NUDT9: variants seen among roughly 807,000 people sequenced by gnomAD.
The protein encoded by NUDT9 is ADP-ribose pyrophosphatase.
In NUDT9, 31 loss-of-function variants were observed where a neutral mutation model predicts 41.0. That is an observed-to-expected ratio of 0.76 (90% CI 0.57 to 1.02). The LOEUF is 1.02. NUDT9 is among the 50% of genes least tolerant of loss of function. NUDT9 has a pLI of 0.00. For synonymous variants in NUDT9, 146 were observed against 147.6 expected, an observed-to-expected ratio of 0.99 and a Z score of 0.08; for missense variants, 380 against 431.4, an observed-to-expected ratio of 0.88 and a Z score of 1.06.
intron 2 of NUDT9, among the ~76,000 whole-genome samples, chr4:87,436,902 T>C (rs1358525381): frequency 6.6e-6 from 1 of 152,188 alleles, no homozygotes; most frequent in Non-Finnish European, 1.5e-5. Flanking sequence ...AGTGCAATTA[T>C]GGCAGGGATT....
At chr4:87,424,251 TG>T (rs1198817278) in intron 1 of NUDT9, among the ~76,000 whole-genome samples, 1 of 128,606 alleles carries the variant, frequency 7.8e-6, no homozygotes. Context: ...TTCTCCCTAA[TG>T]CGTTTTTTTT....
At chr4:87,438,149 A>AC (rs1722039258) in intron 2 of NUDT9, 128 bp from the exon 3 acceptor site, 6 of 488,710 alleles carry the variant, frequency 1.2e-5, no homozygotes, top group Middle Eastern at 1.1e-3. Context: ...AAAAAAAAAA[A>AC]AAAACTAACC....
intron 1 of NUDT9, among the ~76,000 whole-genome samples, chr4:87,423,405 C>T (rs531549332): frequency 1.3e-5 from 2 of 152,176 alleles, no homozygotes; most frequent in South Asian, 2.1e-4. Context: ...TCACTATTCC[C>T]CCTGTCCCCT....
chr4:87,434,030 G>A (rs4693163), intron 1 of NUDT9, among the ~76,000 whole-genome samples: 29,758 of 151,898 alleles, frequency 0.2, 3,429 homozygotes, highest in South Asian at 0.35. Context: ...ATTCCTTTAC[G>A]TAGACTTTAA....
chr4:87,423,455 CT>C (rs569578177), intron 1 of NUDT9, among the ~76,000 whole-genome samples: 1 of 151,860 alleles, frequency 6.6e-6, no homozygotes, highest in African/African-American at 2.4e-5. Context: ...TATCTACCTC[CT>C]TTTTTTTAAT....
chr4:87,434,877 A>C (rs1042162716), intron 1 of NUDT9, 104 bp from the exon 2 acceptor site: 4 of 1,008,982 alleles, frequency 4.0e-6, no homozygotes, highest in Non-Finnish European at 5.7e-6. Context: ...CCTCGGCCTC[A>C]CAAAGTGCTG....
At chr4:87,447,468 C>T (rs922904814) in intron 4 of NUDT9, among the ~76,000 whole-genome samples, 5 of 149,070 alleles carry the variant, frequency 3.4e-5, no homozygotes, top group African/African-American at 1.2e-4. Flanking sequence ...TTTGGTTTAG[C>T]ATTGGAAGTT....
In NUDT9 at chr4:87,456,824, G is replaced by A. The variant is rs147858871; in HGVS notation, c.875-1019G>A. Among the ~76,000 whole-genome samples, 617 of 152,192 alleles carry A rather than the reference G, an allele frequency of 4.1e-3. 4 individuals carry two copies. Among genetic ancestry groups the A allele is most frequent in the African/African-American group, 0.014 (589 of 41,534 alleles). On this transcript the variant is annotated intron_variant, in intron 7 of 7. Coordinates refer to ENST00000302174, the MANE Select transcript of NUDT9 (RefSeq NM_024047.5). ...CAGATGCCTGTAATCCCAGGTACTC[G>A]GGGGGCTGAGGCAGGAGAATCGCTT...
chr4:87,422,581 G>A lies in NUDT9; in HGVS notation c.-325G>A, dbSNP rs1029691505. ...CGCACGACCTTTGCTTTGCGGCGCG[G>A]CCGTAAAGCGCCATTACGCAGAGAG... is the stretch of plus-strand genomic sequence containing the variant. On this transcript the variant is annotated 5_prime_UTR_variant, in exon 1 of 8. Coordinates refer to ENST00000302174, the MANE Select transcript of NUDT9 (RefSeq NM_024047.5). 4.4e-6 allele frequency: 1 copy of A among 225,162 alleles called. No homozygotes were observed. Among genetic ancestry groups the A allele is most frequent in the Middle Eastern group, 1.4e-3 (1 of 696 alleles). The allele number at this position is 225,162 out of a possible 1,614,324, so 13.9% of individuals were successfully genotyped here. A position where few individuals can be genotyped will look rare whatever the true frequency, so the allele number is the denominator to read the frequency against.
intron 1 of NUDT9, among the ~76,000 whole-genome samples, chr4:87,426,648 G>A (rs940533395): frequency 6.6e-6 from 1 of 151,582 alleles, no homozygotes. Flanking sequence ...CTGACCTTGC[G>A]ATCGCCTGCC....
intron 4 of NUDT9, among the ~76,000 whole-genome samples, chr4:87,446,637 A>C (rs1437582457): frequency 6.6e-6 from 1 of 152,186 alleles, no homozygotes; most frequent in Admixed American, 6.5e-5. Flanking sequence ...TCCAGGTTCA[A>C]AGTTGTGTTT....
At chr4:87,424,322 C>T (rs556463801) in intron 1 of NUDT9, among the ~76,000 whole-genome samples, 68 of 144,904 alleles carry the variant, frequency 4.7e-4, no homozygotes, top group African/African-American at 1.8e-3. Context: ...CGCAGTGGCG[C>T]GATCTCGGCT....
chr4:87,453,521 ACG>A (rs1722847615), intron 6 of NUDT9, among the ~76,000 whole-genome samples: 1 of 150,128 alleles, frequency 6.7e-6, no homozygotes, highest in Non-Finnish European at 1.5e-5. Flanking sequence ...CCTCTGCCTC[ACG>A]GGTTCATGCG....
At chr4:87,439,482 C>G (rs760149043) in intron 3 of NUDT9, among the ~76,000 whole-genome samples, 5 of 151,998 alleles carry the variant, frequency 3.3e-5, no homozygotes, top group Non-Finnish European at 7.4e-5. Flanking sequence ...ATGGCAGAAC[C>G]CTGTCTCTAC....
chr4:87,450,339 G>A (rs13130945), intron 5 of NUDT9, among the ~76,000 whole-genome samples: 32,322 of 150,512 alleles, frequency 0.21, 4,249 homozygotes, highest in Admixed American at 0.3. Context: ...GATCTCAGCC[G>A]ACTCTGATAA....
At chr4:87,448,246 G>C (rs1722553126) in intron 4 of NUDT9, among the ~76,000 whole-genome samples, 1 of 146,444 alleles carries the variant, frequency 6.8e-6, no homozygotes, top group African/African-American at 2.5e-5. Flanking sequence ...CTGGGTTCAA[G>C]TGATTCTCCT....
chr4:87,444,945 A>C (rs1164478403), intron 4 of NUDT9, among the ~76,000 whole-genome samples: 2 of 152,220 alleles, frequency 1.3e-5, no homozygotes, highest in Non-Finnish European at 2.9e-5. Flanking sequence ...GTAATGCATT[A>C]ATTAATAAAT....
chr4:87,434,516 ATC>A (rs1216071146), intron 1 of NUDT9: 1 of 151,912 alleles, frequency 6.6e-6, no homozygotes, highest in African/African-American at 2.4e-5. Flanking sequence ...TTTGAAAATA[ATC>A]TCTCATAGAT....
chr4:87,453,630 A>G (rs929239991), intron 6 of NUDT9, among the ~76,000 whole-genome samples: 1 of 152,038 alleles, frequency 6.6e-6, no homozygotes, highest in East Asian at 1.9e-4. Flanking sequence ...AGGTTTCACC[A>G]TGTTGGCCAG....
Sources: gnomAD v4.1 joint callset for allele counts (sites outside exome capture counted in the v4.1 genomes callset) on GRCh38, gnomAD v4.1.1 for gene constraint, MANE v1.5 for transcripts, NCBI Gene and HGNC (gene_info 2026-07-23, HGNC 2026-07-21) for gene names.